ACOT13: variants seen among roughly 807,000 people sequenced by gnomAD.
The protein encoded by ACOT13 is acyl-CoA thioesterase 13, also known as acyl-coenzyme A thioesterase 13.
Under a neutral mutation model 11.8 loss-of-function variants are expected in ACOT13, and 10 were observed. The ratio of observed to expected loss-of-function variants is 0.85; its 90% confidence interval spans 0.53 to 1.44. The LOEUF is 1.44. ACOT13 is among the 40% of genes most tolerant of loss of function. ACOT13 has a pLI of 0.00. For missense variants in ACOT13, 172 were observed against 174.1 expected, an observed-to-expected ratio of 0.99 and a Z score of 0.07; for synonymous variants, 53 against 61.0, an observed-to-expected ratio of 0.87 and a Z score of 0.61.
intron 1 of ACOT13, among the ~76,000 whole-genome samples, chr6:24,696,698 A>G (rs1333892242): frequency 1.3e-5 from 2 of 152,176 alleles, no homozygotes; most frequent in South Asian, 2.1e-4. Context: ...GGTTTTTCCT[A>G]GTAATTTAAA....
At chr6:24,686,887 A>AT (rs1778640517) in intron 1 of ACOT13, among the ~76,000 whole-genome samples, 1 of 151,982 alleles carries the variant, frequency 6.6e-6, no homozygotes, top group Non-Finnish European at 1.5e-5. Flanking sequence ...ATTTTTTGTA[A>AT]AAACAGGCCT....
intron 1 of ACOT13, among the ~76,000 whole-genome samples, chr6:24,689,547 T>C (rs1292700655): frequency 6.6e-6 from 1 of 152,174 alleles, no homozygotes; most frequent in Non-Finnish European, 1.5e-5. Context: ...ATGTATATAA[T>C]ATGATCCCAT....
chr6:24,669,385 C>A (rs770458601), intron 1 of ACOT13, among the ~76,000 whole-genome samples: 2 of 152,136 alleles, frequency 1.3e-5, no homozygotes, highest in Non-Finnish European at 2.9e-5. Context: ...TCTGATTTAC[C>A]TTTCCTAAGG....
intron 1 of ACOT13, among the ~76,000 whole-genome samples, chr6:24,675,990 C>T (rs528492573): frequency 1.3e-5 from 2 of 152,260 alleles, no homozygotes; most frequent in Non-Finnish European, 2.9e-5. Context: ...AATCCTTTCC[C>T]CATTTCTTGT....
chr6:24,675,538 G>A (rs1731357389), intron 1 of ACOT13, among the ~76,000 whole-genome samples: 1 of 152,190 alleles, frequency 6.6e-6, no homozygotes, highest in Non-Finnish European at 1.5e-5. Flanking sequence ...ATTTTGAGAA[G>A]TGTCTGTTCA....
In ACOT13 at chr6:24,693,254, G is replaced by A. The variant is rs190570580; in HGVS notation, c.82-4629G>A. ...GTGCTTCTGTAGACAGTCTTCTTTT[G>A]GGGGTGGCTCACGTGTTTATGTACA... On this transcript the variant is annotated intron_variant, in intron 1 of 2. Transcript: ENST00000230048. 2.0e-3 allele frequency among the ~76,000 whole-genome samples: 304 copies of A among 152,298 alleles called. 4 individuals carry two copies. Among genetic ancestry groups the A allele is most frequent in the Non-Finnish European group, 2.6e-3 (174 of 68,030 alleles).
chr6:24,687,026 A>G (rs1360752846), intron 1 of ACOT13, among the ~76,000 whole-genome samples: 1 of 152,184 alleles, frequency 6.6e-6, no homozygotes, highest in Non-Finnish European at 1.5e-5. Flanking sequence ...CTACCTCAGC[A>G]TTAGGGATCA....
chr6:24,697,033 C>T (rs1778807042), intron 1 of ACOT13, among the ~76,000 whole-genome samples: 1 of 152,216 alleles, frequency 6.6e-6, no homozygotes, highest in South Asian at 2.1e-4. Flanking sequence ...CTCAGCCTCC[C>T]AAAATGCTGG....
intron 1 of ACOT13, among the ~76,000 whole-genome samples, chr6:24,676,128 C>G (rs1778450510): frequency 6.6e-6 from 1 of 152,178 alleles, no homozygotes; most frequent in Admixed American, 6.5e-5. Context: ...TTACTGTAGC[C>G]TTGTAGTATA....
chr6:24,700,708 T>A (rs926756077), intron 2 of ACOT13, among the ~76,000 whole-genome samples: 1 of 152,114 alleles, frequency 6.6e-6, no homozygotes, highest in African/African-American at 2.4e-5. Context: ...AGTGCTGGGA[T>A]TACAGGCTTG....
At chr6:24,684,691 A>G (rs1443430598) in intron 1 of ACOT13, among the ~76,000 whole-genome samples, 1 of 152,272 alleles carries the variant, frequency 6.6e-6, no homozygotes, top group African/African-American at 2.4e-5. Flanking sequence ...AGGTGAAATT[A>G]ATTTTAGTAA....
chr6:24,687,840 C>A, intron 1 of ACOT13: 1 of 829,812 alleles, frequency 1.2e-6, no homozygotes. Flanking sequence ...GCCTCCAGAG[C>A]AGCTGGGATT....
chr6:24,697,001 C>T (rs1562162540), intron 1 of ACOT13, among the ~76,000 whole-genome samples: 1 of 152,192 alleles, frequency 6.6e-6, no homozygotes, highest in Non-Finnish European at 1.5e-5. Context: ...GTCTCAAACT[C>T]CTGATCTCGT....
In ACOT13 at chr6:24,704,053, G is replaced by C. The variant is rs189605917; in HGVS notation, c.*2438G>C. 13 of 152,170 alleles carry C rather than the reference G, an allele frequency of 8.5e-5. No homozygotes were observed. Among genetic ancestry groups the C allele is most frequent in the Admixed American group, 6.5e-4 (10 of 15,270 alleles). The allele number at this position is 152,170 out of a possible 1,614,324, so 9.4% of individuals were successfully genotyped here. The stretch of plus-strand genomic sequence containing the variant: ...GGGGGATCTAAAACAAGCTACCAAG[G>C]ATACTGGGACAACAAAACGAATATG... On this transcript the variant is annotated 3_prime_UTR_variant, in exon 3 of 3. Coordinates refer to ENST00000230048, the MANE Select transcript of ACOT13 (RefSeq NM_018473.4).
intron 1 of ACOT13, among the ~76,000 whole-genome samples, chr6:24,678,545 A>C (rs746885542): frequency 3.9e-5 from 6 of 152,062 alleles, no homozygotes; most frequent in Non-Finnish European, 7.3e-5. Context: ...CCTTTAATTT[A>C]ACTTGAATAG....
At chr6:24,672,730 A>C (rs1020831380) in intron 1 of ACOT13, among the ~76,000 whole-genome samples, 1 of 152,246 alleles carries the variant, frequency 6.6e-6, no homozygotes, top group African/African-American at 2.4e-5. Context: ...AAACCTTGTT[A>C]ATCTGATTAC....
intron 1 of ACOT13, among the ~76,000 whole-genome samples, chr6:24,686,618 CCTTT>C (rs139486480): frequency 0.074 from 11,020 of 149,680 alleles, 1,224 homozygotes; most frequent in East Asian, 0.45. Context: ...TTCTTCCTCT[CCTTT>C]CTTTCTCTTT....
rs760566751 is a variant in ACOT13, at chr6:24,703,285, T to C, written c.*1670T>C. ...AGTCAAGTTAACAGTTAAAGACAAA[T>C]CCTTTCCCTACATTAGATCGCCTGC... On this transcript the variant is annotated 3_prime_UTR_variant, in exon 3 of 3. Coordinates refer to ENST00000230048, the MANE Select transcript of ACOT13 (RefSeq NM_018473.4). The C allele has an allele frequency of 1.3e-5, 2 of 151,902 alleles. No individual in the cohort carries two copies. Among genetic ancestry groups the C allele is most frequent in the South Asian group, 2.1e-4 (1 of 4,808 alleles). The allele number at this position is 151,902 out of a possible 1,614,324, so 9.4% of individuals were successfully genotyped here.
intron 1 of ACOT13, among the ~76,000 whole-genome samples, chr6:24,679,627 A>G (rs1778514494): frequency 6.6e-6 from 1 of 152,208 alleles, no homozygotes; most frequent in African/African-American, 2.4e-5. Context: ...GAGGGTCTAC[A>G]CTGGGAACTG....
Sources: gnomAD v4.1 joint callset for allele counts (sites outside exome capture counted in the v4.1 genomes callset) on GRCh38, gnomAD v4.1.1 for gene constraint, MANE v1.5 for transcripts, NCBI Gene and HGNC (gene_info 2026-07-23, HGNC 2026-07-21) for gene names.